The following ZEB1 variants were observed in gnomAD, a reference collection of about 807,000 sequenced individuals.
ZEB1 encodes the protein zinc finger E-box binding homeobox 1.
In ZEB1, 21 loss-of-function variants were observed where a neutral mutation model predicts 84.9. The observed-to-expected ratio is 0.25, with a 90% confidence interval of 0.18 to 0.36. ZEB1 has a LOEUF of 0.36. Ranked by LOEUF, ZEB1 falls within the 10% of genes least tolerant of loss-of-function variation. The pLI is 1.00. For missense variants in ZEB1, 1,104 were observed against 1,330.2 expected (o/e 0.83, Z 2.65); for synonymous variants, 420 against 471.1 (o/e 0.89, Z 1.41).
chr10:31,461,664 A>G (rs1299851464), intron 2 of ZEB1, among the ~76,000 whole-genome samples: 1 of 152,118 alleles, frequency 6.6e-6, no homozygotes, highest in African/African-American at 2.4e-5. Flanking sequence ...CTCTCTATAC[A>G]TACATCAGAA....
chr10:31,502,215 A>G (rs2068249890), intron 3 of ZEB1, 133 bp from the exon 4 acceptor site: 1 of 924,274 alleles, frequency 1.1e-6, no homozygotes, highest in Non-Finnish European at 1.6e-6. Context: ...TTCATTTTTA[A>G]TTTTCAAGAA....
At chr10:31,469,357 AC>A in intron 2 of ZEB1, among the ~76,000 whole-genome samples, 1 of 152,158 alleles carries the variant, frequency 6.6e-6, no homozygotes, top group Non-Finnish European at 1.5e-5. Context: ...GGGTGCGCGC[AC>A]CATGCGTGAG....
chr10:31,510,291 A>G (rs2069741471), intron 4 of ZEB1, among the ~76,000 whole-genome samples: 1 of 152,204 alleles, frequency 6.6e-6, no homozygotes, highest in Non-Finnish European at 1.5e-5. Context: ...AGAGCACAAA[A>G]TTCCCCTTTA....
chr10:31,486,803 C>G (rs956591311), intron 2 of ZEB1, among the ~76,000 whole-genome samples: 1 of 151,250 alleles, frequency 6.6e-6, no homozygotes, highest in Non-Finnish European at 1.5e-5. Flanking sequence ...ATCACTTTTT[C>G]TTTTTATGGA....
chr10:31,529,018 T>G lies in ZEB1; in HGVS notation c.*1754T>G, dbSNP rs1421844013. The G allele has an allele frequency of 1.3e-5, 2 of 152,212 alleles. No individual in the cohort carries two copies. Among genetic ancestry groups the G allele is most frequent in the African/African-American group, 4.8e-5 (2 of 41,448 alleles). The allele number at this position is 152,212 out of a possible 1,614,324, so 9.4% of individuals were successfully genotyped here. A position where few individuals can be genotyped will look rare whatever the true frequency, so the allele number is the denominator to read the frequency against. On this transcript the variant is annotated 3_prime_UTR_variant, in exon 9 of 9. Coordinates refer to ENST00000424869, the MANE Select transcript of ZEB1 (RefSeq NM_001174096.2). ...CTCTCATTTCCTTAGTAAGCCAAAT[T>G]AGGATTAACTTCTATAAACAGTGTT...
intron 1 of ZEB1, among the ~76,000 whole-genome samples, chr10:31,457,211 A>G (rs1056017422): frequency 6.6e-6 from 1 of 152,178 alleles, no homozygotes; most frequent in African/African-American, 2.4e-5. Context: ...TATAGAGATC[A>G]TTGGACAGAA....
intron 4 of ZEB1, among the ~76,000 whole-genome samples, chr10:31,508,147 G>A (rs1473898996): frequency 1.3e-5 from 2 of 152,158 alleles, no homozygotes; most frequent in Non-Finnish European, 1.5e-5. Context: ...AGGGATGCCA[G>A]GTGGACCATT....
At chr10:31,515,499 A>G (rs2070910185) in intron 6 of ZEB1, among the ~76,000 whole-genome samples, 1 of 152,108 alleles carries the variant, frequency 6.6e-6, no homozygotes, top group South Asian at 2.1e-4. Flanking sequence ...ATGGGAAATT[A>G]TGGGTTTTCA....
chr10:31,527,455 A>AAAT lies in ZEB1; in HGVS notation c.*192_*193insATA. 4.2e-6 allele frequency: 3 copies of AAAT among 720,270 alleles called. No individual in the cohort carries two copies. Among genetic ancestry groups the AAAT allele is most frequent in the Non-Finnish European group, 2.2e-6 (1 of 460,504 alleles). The allele number at this position is 720,270 out of a possible 1,614,324, so 44.6% of individuals were successfully genotyped here. A position where few individuals can be genotyped will look rare whatever the true frequency, so the allele number is the denominator to read the frequency against. ...CACACACACACACACACACACACAA[A>AAAT]ATAAATCCGGGTGTGCCTGAACCTC... is the stretch of plus-strand genomic sequence containing the variant. On this transcript the variant is annotated 3_prime_UTR_variant, in exon 9 of 9. Transcript: ENST00000424869.
chr10:31,365,445 T>A (rs577117981), intron 1 of ZEB1, among the ~76,000 whole-genome samples: 1 of 152,244 alleles, frequency 6.6e-6, no homozygotes. Context: ...AAAGATATTA[T>A]TAAAAGGCAA....
intron 1 of ZEB1, among the ~76,000 whole-genome samples, chr10:31,368,009 TTACTC>T (rs2044879687): frequency 6.6e-6 from 1 of 151,796 alleles, no homozygotes; most frequent in Admixed American, 6.6e-5. Context: ...GCATATATAT[TTACTC>T]TATATGGATG....
chr10:31,410,179 T>C (rs2053969972), intron 1 of ZEB1, among the ~76,000 whole-genome samples: 1 of 152,216 alleles, frequency 6.6e-6, no homozygotes, highest in Admixed American at 6.5e-5. Context: ...TTGAGTTACG[T>C]TCCATCAATA....
chr10:31,399,463 CT>C (rs1450229691), intron 1 of ZEB1, among the ~76,000 whole-genome samples: 1 of 152,056 alleles, frequency 6.6e-6, no homozygotes, highest in Admixed American at 6.5e-5. Flanking sequence ...TATGATAATT[CT>C]TCACATTTCT....
chr10:31,320,351 G>A (rs1030805846), intron 1 of ZEB1: 1 of 152,262 alleles, frequency 6.6e-6, no homozygotes, highest in Non-Finnish European at 1.5e-5. Flanking sequence ...CTCTGCGCCG[G>A]GATGGGCCGG....
chr10:31,523,782 T>C (rs1000223801), intron 7 of ZEB1, 151 bp from the exon 8 acceptor site: 2 of 841,636 alleles, frequency 2.4e-6, no homozygotes, highest in Admixed American at 2.3e-5. Flanking sequence ...TTGGGGCACA[T>C]GTGCAGTGAA....
intron 1 of ZEB1, among the ~76,000 whole-genome samples, chr10:31,445,298 G>C (rs980590425): frequency 2.7e-5 from 4 of 149,418 alleles, no homozygotes; most frequent in African/African-American, 1.0e-4. Flanking sequence ...TTGCTTATCA[G>C]CTTAAGGAGA....
At chr10:31,487,292 G>T (rs1356054504) in intron 2 of ZEB1, among the ~76,000 whole-genome samples, 2 of 151,210 alleles carry the variant, frequency 1.3e-5, no homozygotes, top group East Asian at 3.9e-4. Flanking sequence ...AAATAATCAT[G>T]CTGAAATTTT....
intron 1 of ZEB1, among the ~76,000 whole-genome samples, chr10:31,405,203 T>C (rs368955048): frequency 4.4e-4 from 67 of 152,312 alleles, no homozygotes; most frequent in African/African-American, 1.6e-3. Context: ...ATTAACCTAA[T>C]TTGAAAGCAG....
chr10:31,323,492 C>G (rs563877707), intron 1 of ZEB1, among the ~76,000 whole-genome samples: 1 of 152,086 alleles, frequency 6.6e-6, no homozygotes, highest in South Asian at 2.1e-4. Context: ...TTATCTTTTC[C>G]TTCCCCTTCA....
Sources: allele counts gnomAD v4.1 joint callset (sites outside exome capture counted in the v4.1 genomes callset), GRCh38; gene constraint gnomAD v4.1.1; transcripts MANE v1.5; gene names NCBI Gene and HGNC (gene_info 2026-07-23, HGNC 2026-07-21).